The following TM6SF1 variants were observed in gnomAD, a reference collection of about 807,000 sequenced individuals.
The protein encoded by TM6SF1 is transmembrane 6 superfamily member 1.
A neutral mutation model predicts 47.1 loss-of-function variants in TM6SF1; 43 were observed. The ratio of observed to expected loss-of-function variants is 0.91; its 90% CI spans 0.72 to 1.18. The LOEUF (loss-of-function observed/expected upper bound fraction) is 1.18, where lower values mean the gene tolerates loss of function less well. Ranked by LOEUF, TM6SF1 falls within the 50% of genes most tolerant of loss-of-function variation. The pLI is 0.00. For synonymous variants in TM6SF1, 177 were observed against 166.3 expected (o/e 1.06, Z -0.49); for missense variants, 390 against 449.0 (o/e 0.87, Z 1.19).
chr15:83,121,868 G>A, intron 4 of TM6SF1, 53 bp from the exon 5 acceptor site: 7 of 1,321,362 alleles, frequency 5.3e-6, no homozygotes, highest in Non-Finnish European at 7.5e-6. Context: ...TTTTTGCTTA[G>A]TATTCTAAGA....
Position 83,107,692 on chromosome 15 carries a change from T to C in TM6SF1, c.12T>C (p.Ser4=). ...GCGCGGCGGCTGCGATGAGTGCCTCTGCGGCCACCGGGGTCTTCGTGCTGT... is the reference window on the plus strand; with the variant it reads ...GCGCGGCGGCTGCGATGAGTGCCTCCGCGGCCACCGGGGTCTTCGTGCTGT... MSA[S]AATGVFVLSL... Residue 4 remains serine (S), a synonymous_variant, in exon 1 of 10, where the codon TCT becomes TCC. Transcript: ENST00000322019. This position sits in a 1 kb window ranked among gnomAD's most constrained non-coding sequence, Gnocchi z 5.6. 2 of 1,560,798 alleles carry C rather than the reference T, an allele frequency of 1.3e-6. No homozygotes were observed. Among genetic ancestry groups the C allele is most frequent in the Non-Finnish European group, 1.7e-6 (2 of 1,155,822 alleles).
chr15:83,115,941 A>C lies in TM6SF1; in HGVS notation c.293A>C (p.Glu98Ala). ...IDGFMTHYLR[E>A]GEPYLNTAYG... ...GGGTTCATGACACACTACTTGAGAG[A>C]GGTATGGGATCACTTAGTGATTATG... is the stretch of plus-strand genomic sequence containing the variant. Residue 98 changes from glutamate (E) to alanine (A), a missense_variant and splice_region_variant, in exon 3 of 10, where the codon GAG becomes GCG. Transcript: ENST00000322019. The C allele has an allele frequency of 6.2e-7, 1 of 1,611,150 alleles. No homozygotes were observed. The highest frequency in any genetic ancestry group is 8.5e-7 in the Non-Finnish European group (1 of 1,177,304).
chr15:83,112,722 T>C (rs1075619), intron 1 of TM6SF1, 75 bp from the exon 2 acceptor site: 216,878 of 1,065,060 alleles, frequency 0.2, 24,049 homozygotes, highest in Admixed American at 0.26. Context: ...AGGGAATGCA[T>C]TCAATAGTCA....
chr15:83,110,692 G>A (rs2034064704), intron 1 of TM6SF1, among the ~76,000 whole-genome samples: 1 of 152,048 alleles, frequency 6.6e-6, no homozygotes, highest in Admixed American at 6.5e-5. Flanking sequence ...CTTCCCTCAT[G>A]GGATTCTTCA....
chr15:83,117,334 C>G (rs1406519185), intron 3 of TM6SF1, among the ~76,000 whole-genome samples: 1 of 152,048 alleles, frequency 6.6e-6, no homozygotes. Context: ...AGGTCTTGAG[C>G]TCTGAGGAGC....
chr15:83,132,597 T>C (rs764017936), intron 9 of TM6SF1: 5 of 152,184 alleles, frequency 3.3e-5, no homozygotes, highest in Non-Finnish European at 7.3e-5. Flanking sequence ...TCTTGCTATG[T>C]TGCCCAGGCT....
intron 7 of TM6SF1, 120 bp downstream of exon 7, chr15:83,124,896 T>G: frequency 1.2e-6 from 1 of 852,276 alleles, no homozygotes; most frequent in Admixed American, 2.3e-5. Context: ...TAACAAACCA[T>G]TCCTCCCATC....
Position 83,107,689 on chromosome 15 carries a change from C to G in TM6SF1, c.9C>G (p.Ala3=), listed in dbSNP as rs142670132. The change falls in exon 1 of 10, where the codon GCC becomes GCG. Residue 3 remains alanine (A), a synonymous_variant. Transcript: ENST00000322019. This position sits in a 1 kb window ranked among gnomAD's most constrained non-coding sequence, Gnocchi z 5.6. The stretch of plus-strand genomic sequence containing the variant: ...GCGGCGCGGCGGCTGCGATGAGTGC[C>G]TCTGCGGCCACCGGGGTCTTCGTGC... MS[A]SAATGVFVLS... 2 of 1,560,192 alleles carry G rather than the reference C, an allele frequency of 1.3e-6. No homozygotes were observed. Among genetic ancestry groups the G allele is most frequent in the African/African-American group, 1.4e-5 (1 of 70,380 alleles).
At chr15:83,113,021 T>G (rs1596471167) in intron 2 of TM6SF1, 121 bp downstream of exon 2, 1 of 824,044 alleles carries the variant, frequency 1.2e-6, no homozygotes, top group Non-Finnish European at 2.0e-6. Flanking sequence ...TGGCTGCAAG[T>G]GTAGGGGTGT....
chr15:83,108,276 T>C (rs572645273), intron 1 of TM6SF1, among the ~76,000 whole-genome samples: 13 of 152,234 alleles, frequency 8.5e-5, no homozygotes, highest in African/African-American at 2.6e-4. Context: ...AGACGTGGGT[T>C]CTAGGCCTGG....
At chr15:83,111,884 A>G (rs1206732553) in intron 1 of TM6SF1, among the ~76,000 whole-genome samples, 1 of 152,200 alleles carries the variant, frequency 6.6e-6, no homozygotes, top group Non-Finnish European at 1.5e-5. Flanking sequence ...GCCTGCAACA[A>G]TGGCTACCAC....
At chr15:83,129,784 G>A (rs913696997) in intron 9 of TM6SF1, 1 of 152,322 alleles carries the variant, frequency 6.6e-6, no homozygotes, top group African/African-American at 2.4e-5. Context: ...TTATTAGGCT[G>A]AGCCTCTCCA....
chr15:83,122,442 C>A (rs1001308657), intron 5 of TM6SF1, among the ~76,000 whole-genome samples: 2 of 152,052 alleles, frequency 1.3e-5, no homozygotes, highest in Non-Finnish European at 2.9e-5. Flanking sequence ...TAGATATATA[C>A]AAACATATAT....
chr15:83,110,934 A>T (rs998686722), intron 1 of TM6SF1, among the ~76,000 whole-genome samples: 2 of 152,148 alleles, frequency 1.3e-5, no homozygotes, highest in African/African-American at 4.8e-5. Context: ...GCAGTGGTGC[A>T]ATCTTGGCTC....
Position 83,124,800 on chromosome 15 carries a change from C to T in TM6SF1, c.708+24C>T, listed in dbSNP as rs766581396. Reference sequence around the variant, plus strand: ...TGGTAAGCATAACAGATCATAATAACGTAACATTGTGATACTACTCACATT... The same window carrying T: ...TGGTAAGCATAACAGATCATAATAATGTAACATTGTGATACTACTCACATT... On this transcript the variant is annotated intron_variant, in intron 7 of 9. Coordinates refer to ENST00000322019, the MANE Select transcript of TM6SF1 (RefSeq NM_023003.5). 26 of 1,547,106 alleles carry T rather than the reference C, an allele frequency of 1.7e-5. 1 individual carries two copies. In the Middle Eastern group the frequency reaches 6.7e-4, roughly 40 times the overall value.
chr15:83,113,008 C>A, intron 2 of TM6SF1, 108 bp downstream of exon 2: 2 of 940,308 alleles, frequency 2.1e-6, no homozygotes, highest in South Asian at 1.4e-5. Context: ...CCTTTGGTAA[C>A]AGTGGCTGCA....
At chr15:83,116,227 G>C (rs559062341) in intron 3 of TM6SF1, among the ~76,000 whole-genome samples, 1 of 152,172 alleles carries the variant, frequency 6.6e-6, no homozygotes, top group African/African-American at 2.4e-5. Context: ...TATAAATAAG[G>C]TACCTTAAAT....
chr15:83,125,672 T>A (rs2035677693), intron 7 of TM6SF1, among the ~76,000 whole-genome samples: 3 of 152,348 alleles, frequency 2.0e-5, no homozygotes, highest in Admixed American at 2.0e-4. Flanking sequence ...TTAATTATAT[T>A]CAGCTTCAGT....
rs370753320 is a variant in TM6SF1, at chr15:83,122,897, G to T, written c.603+19G>T. 6.2e-7 allele frequency: 1 copy of T among 1,613,294 alleles called. No individual in the cohort carries two copies. Among genetic ancestry groups the T allele is most frequent in the Non-Finnish European group, 8.5e-7 (1 of 1,179,758 alleles). ...CTCAAAGGTGATTTTATTAAGCTTT[G>T]ATGTACCCTGTTCTCAAACTCATAG... On this transcript the variant is annotated intron_variant, in intron 6 of 9. Coordinates refer to ENST00000322019, the MANE Select transcript of TM6SF1 (RefSeq NM_023003.5).
Sources: allele counts gnomAD v4.1 joint callset (sites outside exome capture counted in the v4.1 genomes callset), GRCh38; gene constraint gnomAD v4.1.1; non-coding constraint Gnocchi (gnomAD v3.1); transcripts MANE v1.5; gene names NCBI Gene and HGNC (gene_info 2026-07-23, HGNC 2026-07-21).